Variants in CPNE4 observed in about 807,000 individuals in gnomAD.
CPNE4 encodes copine 4.
A neutral mutation model predicts 67.9 loss-of-function variants in CPNE4; 25 were observed. That is an observed-to-expected ratio of 0.37 (90% confidence interval 0.27 to 0.51). The LOEUF is 0.51. Among genes scored for constraint, CPNE4 ranks in the 20% least tolerant of loss-of-function variants. The pLI is 0.93. For missense variants in CPNE4, 464 were observed against 690.8 expected (o/e 0.67, Z 3.68); for synonymous variants, 242 against 244.9 (o/e 0.99, Z 0.11).
At chr3:131,899,240 G>C (rs186672730) in intron 2 of CPNE4, among the ~76,000 whole-genome samples, 391 of 152,178 alleles carry the variant, frequency 2.6e-3, no homozygotes, top group Non-Finnish European at 3.5e-3. Context: ...AGTGAAGCAG[G>C]CTGGCTAGCA....
At chr3:132,017,562 T>C (rs2073912903) in intron 1 of CPNE4, 1 of 152,188 alleles carries the variant, frequency 6.6e-6, no homozygotes, top group Admixed American at 6.5e-5. Flanking sequence ...GGCTCGTTGA[T>C]GCACCTACAT....
At chr3:131,954,545 G>A (rs571001794) in intron 1 of CPNE4, among the ~76,000 whole-genome samples, 6 of 152,046 alleles carry the variant, frequency 3.9e-5, no homozygotes, top group South Asian at 2.1e-4. Context: ...TGTGCACAAC[G>A]TGCAGGTATA....
At chr3:131,726,463 C>T (rs1169157334) in intron 2 of CPNE4, among the ~76,000 whole-genome samples, 1 of 152,074 alleles carries the variant, frequency 6.6e-6, no homozygotes, top group Non-Finnish European at 1.5e-5. Flanking sequence ...AATATAACTG[C>T]TCAGGAAAAG....
chr3:131,780,318 C>T (rs1414922450), intron 2 of CPNE4, among the ~76,000 whole-genome samples: 1 of 152,084 alleles, frequency 6.6e-6, no homozygotes, highest in Non-Finnish European at 1.5e-5. Flanking sequence ...ACCTAGCAAT[C>T]CTATTACTGG....
At chr3:131,552,766 G>T (rs1936253734) in intron 12 of CPNE4, among the ~76,000 whole-genome samples, 1 of 152,050 alleles carries the variant, frequency 6.6e-6, no homozygotes, top group Admixed American at 6.6e-5. Flanking sequence ...TCCAAGAAAA[G>T]ATTTCAGAAA....
intron 2 of CPNE4, among the ~76,000 whole-genome samples, chr3:131,865,010 T>C (rs2086871998): frequency 6.6e-6 from 1 of 152,164 alleles, no homozygotes; most frequent in Admixed American, 6.5e-5. Context: ...ATTGTGTTTA[T>C]TGATTTGTGT....
chr3:132,031,479 A>G (rs2074233439), intron 1 of CPNE4, among the ~76,000 whole-genome samples: 1 of 152,190 alleles, frequency 6.6e-6, no homozygotes, highest in Non-Finnish European at 1.5e-5. Context: ...GATTTTTCCC[A>G]ACTAGTGTAG....
chr3:131,760,153 G>T (rs1024072270), intron 2 of CPNE4, among the ~76,000 whole-genome samples: 1 of 152,154 alleles, frequency 6.6e-6, no homozygotes, highest in Non-Finnish European at 1.5e-5. Flanking sequence ...TGCCATCATA[G>T]CTGTAATTTA....
rs191801999 is a variant in CPNE4 at position 131,752,081 on chromosome 3, G to A, written c.181-28456C>T. ...GGGGAAGGATGCCTTGTTACTACCTGTTAGGAGTGAAAGCCCACATTTACC... is the reference window on the plus strand; with the variant it reads ...GGGGAAGGATGCCTTGTTACTACCTATTAGGAGTGAAAGCCCACATTTACC... On this transcript the variant is annotated intron_variant, in intron 2 of 15. Transcript: ENST00000429747. Among the ~76,000 whole-genome samples, 3 of 152,252 alleles carry A rather than the reference G, an allele frequency of 2.0e-5. No individual in the cohort carries two copies. The East Asian group carries it at 5.8e-4, about 29-fold the overall frequency.
intron 6 of CPNE4, among the ~76,000 whole-genome samples, chr3:131,681,792 C>G (rs534781762): frequency 1.6e-4 from 25 of 152,112 alleles, no homozygotes; most frequent in Non-Finnish European, 2.9e-4. Context: ...TTTTCCTGAT[C>G]TTGTAGGCAT....
At chr3:131,540,490 C>A (rs1308845031) in intron 15 of CPNE4, among the ~76,000 whole-genome samples, 1 of 152,212 alleles carries the variant, frequency 6.6e-6, no homozygotes, top group East Asian at 1.9e-4. Context: ...TAAAGGCTCT[C>A]ACACTAGGAC....
At chr3:131,896,155 G>A (rs80210285) in intron 2 of CPNE4, among the ~76,000 whole-genome samples, 7,642 of 151,920 alleles carry the variant, frequency 0.05, 255 homozygotes, top group Middle Eastern at 0.11. Context: ...TCCAATAATG[G>A]AAAGCTGGTT....
intron 1 of CPNE4, among the ~76,000 whole-genome samples, chr3:131,947,169 G>T (rs2071575771): frequency 6.6e-6 from 1 of 152,102 alleles, no homozygotes; most frequent in African/African-American, 2.4e-5. Context: ...TTGGCTATTT[G>T]GGGGCACTGC....
chr3:131,863,977 T>G (rs369916204), intron 2 of CPNE4, among the ~76,000 whole-genome samples: 4 of 152,200 alleles, frequency 2.6e-5, no homozygotes, highest in East Asian at 3.8e-4. Flanking sequence ...TTTCCTCATT[T>G]CTTGTTTTTG....
chr3:131,848,105 C>T (rs2086075237), intron 2 of CPNE4, among the ~76,000 whole-genome samples: 1 of 152,228 alleles, frequency 6.6e-6, no homozygotes, highest in Admixed American at 6.5e-5. Flanking sequence ...ATGATTATTG[C>T]CAGATAAGTT....
At chr3:131,660,068 A>C (rs1234346496) in intron 7 of CPNE4, among the ~76,000 whole-genome samples, 3 of 152,198 alleles carry the variant, frequency 2.0e-5, no homozygotes, top group Non-Finnish European at 2.9e-5. Context: ...AACGATTACC[A>C]CCATCTTTGT....
At chr3:131,541,022 C>A (rs370396840) in intron 15 of CPNE4, among the ~76,000 whole-genome samples, 6 of 152,286 alleles carry the variant, frequency 3.9e-5, no homozygotes, top group South Asian at 2.1e-4. Context: ...GTTTAGTCAC[C>A]AGCCCTGGGG....
At chr3:131,658,818 AT>A (rs1352508941) in intron 7 of CPNE4, among the ~76,000 whole-genome samples, 1 of 152,144 alleles carries the variant, frequency 6.6e-6, no homozygotes, top group East Asian at 1.9e-4. Flanking sequence ...GTTTTATTTG[AT>A]GATTCTACTG....
At chr3:132,024,151 T>C (rs1319891855) in intron 1 of CPNE4, among the ~76,000 whole-genome samples, 2 of 151,266 alleles carry the variant, frequency 1.3e-5, no homozygotes, top group Non-Finnish European at 2.9e-5. Context: ...CAGCGCAATC[T>C]TGGCTCACTG....
Sources: allele counts gnomAD v4.1 joint callset (sites outside exome capture counted in the v4.1 genomes callset), GRCh38; gene constraint gnomAD v4.1.1; transcripts MANE v1.5; gene names NCBI Gene and HGNC (gene_info 2026-07-23, HGNC 2026-07-21).